The following AGBL1 variants were observed in gnomAD, a reference collection of about 807,000 sequenced individuals.
AGBL1 encodes cytosolic carboxypeptidase 4.
AGBL1 carries 130 observed loss-of-function variants against 118.9 expected under a neutral mutation model. The observed-to-expected ratio is 1.09, with a 90% confidence interval of 0.95 to 1.26. The LOEUF (loss-of-function observed/expected upper bound fraction) is 1.26, where lower values mean the gene tolerates loss of function less well. Among genes scored for constraint, AGBL1 ranks in the 50% most tolerant of loss-of-function variants. The pLI, the probability that AGBL1 is intolerant of heterozygous loss-of-function variation, is 0.00. For missense variants in AGBL1, 1,584 were observed against 1,298.1 expected, an observed-to-expected ratio of 1.22 and a Z score of -3.38; for synonymous variants, 555 against 478.9, an observed-to-expected ratio of 1.16 and a Z score of -2.08.
chr15:86,615,269 T>C lies in AGBL1; in HGVS notation c.2995-59004T>C, dbSNP rs2084705540. 6.6e-6 allele frequency among the ~76,000 whole-genome samples: 1 copy of C among 152,078 alleles called. No homozygotes were observed. Among genetic ancestry groups the C allele is most frequent in the Non-Finnish European group, 1.5e-5 (1 of 68,022 alleles). On this transcript the variant is annotated intron_variant, in intron 21 of 22. Coordinates refer to ENST00000614907, the MANE Select transcript of AGBL1 (RefSeq NM_001386094.1). This position sits in a 1 kb window ranked among gnomAD's most constrained non-coding sequence, Gnocchi z 4.3. ...GGCCAGGGAGACTAAAAACAGACTA[T>C]TGACTAAAAACCAGCCTAGGAAAAG... is the stretch of plus-strand genomic sequence containing the variant.
chr15:86,120,106 G>C (rs905088225), intron 1 of AGBL1, among the ~76,000 whole-genome samples: 1 of 152,112 alleles, frequency 6.6e-6, no homozygotes, highest in Non-Finnish European at 1.5e-5. Flanking sequence ...ATTGCCTATA[G>C]GATAAAATCT....
intron 18 of AGBL1, among the ~76,000 whole-genome samples, chr15:86,493,603 T>C (rs1328439623): frequency 6.6e-6 from 1 of 152,034 alleles, no homozygotes; most frequent in Non-Finnish European, 1.5e-5. Flanking sequence ...GGTCTGAGTC[T>C]TCCCCAACAT....
At chr15:86,686,090 G>A (rs2086049819) in intron 22 of AGBL1, among the ~76,000 whole-genome samples, 1 of 152,100 alleles carries the variant, frequency 6.6e-6, no homozygotes, top group Non-Finnish European at 1.5e-5. Flanking sequence ...AATTACTTGT[G>A]GTCAACCTAG....
chr15:86,771,291 TGATAATCTTGCAATACA>T (rs2078176344), intron 22 of AGBL1, among the ~76,000 whole-genome samples: 1 of 152,076 alleles, frequency 6.6e-6, no homozygotes, highest in South Asian at 2.1e-4. Flanking sequence ...CTAATCCTTT[TGATAATCTTGCAATACA>T]GATGTTATTC....
At chr15:86,930,405 C>A (rs1454885383) in intron 23 of AGBL1, among the ~76,000 whole-genome samples, 1 of 152,058 alleles carries the variant, frequency 6.6e-6, no homozygotes, top group Non-Finnish European at 1.5e-5. Context: ...GGCGGGATAG[C>A]AGTTGCCAGT....
chr15:86,122,030 A>G (rs1397617735), intron 1 of AGBL1, among the ~76,000 whole-genome samples: 1 of 152,226 alleles, frequency 6.6e-6, no homozygotes, highest in African/African-American at 2.4e-5. Flanking sequence ...GGAAAATTAC[A>G]GCCCATCATA....
intron 17 of AGBL1, among the ~76,000 whole-genome samples, chr15:86,379,194 T>A (rs1360271603): frequency 1.3e-5 from 2 of 152,134 alleles, no homozygotes; most frequent in Admixed American, 1.3e-4. Flanking sequence ...ATTACCAGCA[T>A]GAGCCACCGT....
intron 22 of AGBL1, among the ~76,000 whole-genome samples, chr15:86,841,720 GCCCGTAATCCCAT>G (rs911333932): frequency 1.6e-4 from 24 of 152,100 alleles, no homozygotes; most frequent in African/African-American, 5.8e-4. Flanking sequence ...GGTGGTGCAT[GCCCGTAATCCCAT>G]CTACTTGGGA....
intron 18 of AGBL1, among the ~76,000 whole-genome samples, chr15:86,522,416 A>G (rs1005179749): frequency 6.6e-6 from 1 of 152,222 alleles, no homozygotes; most frequent in Non-Finnish European, 1.5e-5. Flanking sequence ...AGCTGGAAAT[A>G]TCATATGTAA....
intron 22 of AGBL1, among the ~76,000 whole-genome samples, chr15:86,847,438 T>G (rs2079335526): frequency 6.6e-6 from 1 of 152,250 alleles, no homozygotes; most frequent in African/African-American, 2.4e-5. Flanking sequence ...TTTGTTTTGT[T>G]TTTTGGTAAC....
chr15:86,434,967 A>G (rs932096452), intron 18 of AGBL1, among the ~76,000 whole-genome samples: 6 of 152,190 alleles, frequency 3.9e-5, no homozygotes, highest in African/African-American at 1.4e-4. Flanking sequence ...AAGCTTACAA[A>G]TTAGGGTGTG....
At chr15:86,874,258 A>G (rs1167105152) in intron 22 of AGBL1, among the ~76,000 whole-genome samples, 1 of 152,166 alleles carries the variant, frequency 6.6e-6, no homozygotes, top group East Asian at 1.9e-4. Context: ...AATAAAAGAA[A>G]AAAATAAAAA....
intron 19 of AGBL1, among the ~76,000 whole-genome samples, chr15:86,540,347 A>C (rs1026143062): frequency 6.6e-6 from 1 of 152,188 alleles, no homozygotes; most frequent in African/African-American, 2.4e-5. Context: ...TAATCCTAGC[A>C]CTTTGGGAGG....
chr15:86,885,989 T>C (rs548678763), intron 22 of AGBL1, among the ~76,000 whole-genome samples: 4 of 152,344 alleles, frequency 2.6e-5, no homozygotes, highest in Non-Finnish European at 5.9e-5. Flanking sequence ...AACATAGAAT[T>C]TGGGAAACAG....
At chr15:86,626,242 G>T (rs1462696615) in intron 21 of AGBL1, among the ~76,000 whole-genome samples, 2 of 152,116 alleles carry the variant, frequency 1.3e-5, no homozygotes, top group Non-Finnish European at 2.9e-5. Flanking sequence ...CAATAGCAAA[G>T]ACATGGAATC....
rs188555090 is a variant in AGBL1, at chr15:86,667,874, A to G, written c.2995-6399A>G. On this transcript the variant is annotated intron_variant, in intron 21 of 22. Transcript: ENST00000614907. Reference sequence around the variant, plus strand: ...GTATTGCTGTAAGGGAATACCTGAGAGTGAGTAATTTATAAAGAAAAGAGG... The same window carrying G: ...GTATTGCTGTAAGGGAATACCTGAGGGTGAGTAATTTATAAAGAAAAGAGG... Among the ~76,000 whole-genome samples the G allele has an allele frequency of 1.4e-4, 22 of 152,286 alleles. No homozygotes were observed. The East Asian group carries it at 4.1e-3, about 28-fold the overall frequency.
chr15:86,344,653 C>T (rs910174794), intron 17 of AGBL1, among the ~76,000 whole-genome samples: 2 of 151,856 alleles, frequency 1.3e-5, no homozygotes, highest in African/African-American at 2.4e-5. Context: ...TTCTGAGCAT[C>T]TCTGGGTATG....
intron 17 of AGBL1, among the ~76,000 whole-genome samples, chr15:86,302,379 C>T (rs1029288382): frequency 1.3e-5 from 2 of 152,070 alleles, no homozygotes; most frequent in South Asian, 2.1e-4. Flanking sequence ...CATTGATTTA[C>T]ACTTTGAAGT....
At chr15:86,366,050 C>T (rs577425986) in intron 17 of AGBL1, among the ~76,000 whole-genome samples, 3 of 152,256 alleles carry the variant, frequency 2.0e-5, no homozygotes, top group African/African-American at 7.2e-5. Context: ...CCCTTTGTGT[C>T]CCCAGGCCTG....
Sources: gnomAD v4.1 joint callset for allele counts (sites outside exome capture counted in the v4.1 genomes callset) on GRCh38, gnomAD v4.1.1 for gene constraint, Gnocchi (gnomAD v3.1) non-coding constraint, MANE v1.5 for transcripts, NCBI Gene and HGNC (gene_info 2026-07-23, HGNC 2026-07-21) for gene names.